The following MAP7 variants were observed in gnomAD, a reference collection of about 807,000 sequenced individuals.
MAP7 encodes the protein ensconsin.
Under a neutral mutation model 94.8 loss-of-function variants are expected in MAP7, and 52 were observed. The ratio of observed to expected loss-of-function variants is 0.55; its 90% confidence interval spans 0.44 to 0.69. The LOEUF is 0.69. Ranked by LOEUF, MAP7 falls within the 30% of genes least tolerant of loss-of-function variation. The probability of loss-of-function intolerance (pLI) is 0.00; values close to 1 mark genes in which losing one functional copy is unlikely to be tolerated. For missense variants in MAP7, 940 were observed against 964.6 expected, an observed-to-expected ratio of 0.97 and a Z score of 0.34; for synonymous variants, 350 against 357.0, an observed-to-expected ratio of 0.98 and a Z score of 0.22.
At chr6:136,458,339 T>C (rs996110883) in intron 1 of MAP7, among the ~76,000 whole-genome samples, 4 of 152,144 alleles carry the variant, frequency 2.6e-5, no homozygotes, top group African/African-American at 7.2e-5. Context: ...ATTGTCAACA[T>C]GTCCACACTA....
chr6:136,545,585 A>G (rs941904811), intron 1 of MAP7: 1 of 152,210 alleles, frequency 6.6e-6, no homozygotes, highest in African/African-American at 2.4e-5. Context: ...ACTTCGATGA[A>G]CAATCATTCC....
intron 1 of MAP7, among the ~76,000 whole-genome samples, chr6:136,440,792 A>G (rs1797612432): frequency 6.6e-6 from 1 of 151,450 alleles, no homozygotes; most frequent in African/African-American, 2.4e-5. Flanking sequence ...TTAGGATGAA[A>G]TTATTTTATC....
At chr6:136,378,542 G>A (rs1489179912) in intron 6 of MAP7, among the ~76,000 whole-genome samples, 1 of 152,130 alleles carries the variant, frequency 6.6e-6, no homozygotes, top group African/African-American at 2.4e-5. Flanking sequence ...TTTGGCCAAG[G>A]ACAAGGCTAA....
intron 1 of MAP7, among the ~76,000 whole-genome samples, chr6:136,441,907 G>A (rs1166583958): frequency 6.6e-6 from 1 of 152,060 alleles, no homozygotes; most frequent in East Asian, 1.9e-4. Flanking sequence ...AGTTACTTGG[G>A]AGGCTGAGGT....
At chr6:136,442,728 C>T (rs938325419) in intron 1 of MAP7, among the ~76,000 whole-genome samples, 4 of 152,270 alleles carry the variant, frequency 2.6e-5, no homozygotes, top group South Asian at 2.1e-4. Flanking sequence ...TGGCAAAACA[C>T]GAAAGTTCTG....
At chr6:136,422,516 G>A (rs1791704009) in intron 1 of MAP7, among the ~76,000 whole-genome samples, 1 of 152,068 alleles carries the variant, frequency 6.6e-6, no homozygotes, top group Admixed American at 6.5e-5. Context: ...GAACATCAGA[G>A]GCCTATCTGC....
intron 1 of MAP7, among the ~76,000 whole-genome samples, chr6:136,543,925 C>T (rs189342102): frequency 6.6e-6 from 1 of 152,028 alleles, no homozygotes; most frequent in African/African-American, 2.4e-5. Context: ...TTTTTGCACA[C>T]AAATTATTTT....
chr6:136,527,468 A>C (rs1213989119), intron 1 of MAP7, among the ~76,000 whole-genome samples: 1 of 152,190 alleles, frequency 6.6e-6, no homozygotes, highest in Admixed American at 6.5e-5. Flanking sequence ...AGAGGGCCCA[A>C]GGGAGTCTAA....
At chr6:136,517,824 T>TGGG (rs1246975567) in intron 1 of MAP7, among the ~76,000 whole-genome samples, 1 of 152,216 alleles carries the variant, frequency 6.6e-6, no homozygotes, top group Admixed American at 6.5e-5. Context: ...TCCCACTATG[T>TGGG]AAACTGATAT....
intron 1 of MAP7, among the ~76,000 whole-genome samples, chr6:136,536,426 T>G (rs1415525698): frequency 6.6e-6 from 1 of 152,178 alleles, no homozygotes; most frequent in African/African-American, 2.4e-5. Flanking sequence ...CCTAAACCCG[T>G]GGATGGCAGC....
At chr6:136,401,452 TA>T (rs1264135011) in intron 3 of MAP7, among the ~76,000 whole-genome samples, 4 of 152,098 alleles carry the variant, frequency 2.6e-5, no homozygotes, top group Non-Finnish European at 4.4e-5. Flanking sequence ...TATGCAGCCA[TA>T]AAAAAGGATG....
intron 1 of MAP7, among the ~76,000 whole-genome samples, chr6:136,549,735 C>A (rs909099775): frequency 6.6e-6 from 1 of 152,240 alleles, no homozygotes; most frequent in Non-Finnish European, 1.5e-5. Context: ...CACTCGCAAA[C>A]CCCCACCGTG....
chr6:136,447,083 T>C (rs1799582867), intron 1 of MAP7, among the ~76,000 whole-genome samples: 1 of 152,210 alleles, frequency 6.6e-6, no homozygotes, highest in African/African-American at 2.4e-5. Context: ...GCAATGAGAC[T>C]ATCCTTTTCA....
At chr6:136,391,559 AAC>A (rs1780749196) in intron 3 of MAP7, among the ~76,000 whole-genome samples, 1 of 131,572 alleles carries the variant, frequency 7.6e-6, no homozygotes, top group African/African-American at 3.5e-5. Flanking sequence ...AATAAAAAAC[AAC>A]AACAACAACA....
At position 136,414,923 on chromosome 6, in the gene MAP7, T is replaced by C. The variant is rs565743718; in HGVS notation, c.167-3226A>G. On this transcript the variant is annotated intron_variant, in intron 2 of 17. Transcript: ENST00000354570. ...TCTGCCTCCTGGGTTTAAGCGATTC[T>C]CCTGCCTCAGCCTCCCAAGTAGCTG... Among the ~76,000 whole-genome samples the C allele has an allele frequency of 3.8e-3, 582 of 151,972 alleles. 4 individuals are homozygous for C. Among genetic ancestry groups the C allele is most frequent in the African/African-American group, 0.013 (559 of 41,436 alleles).
chr6:136,375,592 T>C (rs962353500), intron 7 of MAP7, among the ~76,000 whole-genome samples: 2 of 152,184 alleles, frequency 1.3e-5, no homozygotes, highest in African/African-American at 4.8e-5. Flanking sequence ...AAATGTGGTT[T>C]TGACAAGATA....
intron 1 of MAP7, among the ~76,000 whole-genome samples, chr6:136,497,575 C>T (rs1292950922): frequency 6.6e-6 from 1 of 150,432 alleles, no homozygotes; most frequent in Non-Finnish European, 1.5e-5. Context: ...TGAAGGTGGG[C>T]AGATCACGAG....
intron 1 of MAP7, among the ~76,000 whole-genome samples, chr6:136,492,872 T>G (rs1817038682): frequency 6.6e-6 from 1 of 152,126 alleles, no homozygotes; most frequent in African/African-American, 2.4e-5. Context: ...GTCTGTCTAC[T>G]TGGAAGGAAG....
At chr6:136,359,774 T>A in intron 15 of MAP7, 46 bp downstream of exon 15, 1 of 1,561,676 alleles carries the variant, frequency 6.4e-7, no homozygotes, top group East Asian at 2.2e-5. Context: ...AGAGTCAATT[T>A]AAACATTTTA....
Sources: allele counts gnomAD v4.1 joint callset (sites outside exome capture counted in the v4.1 genomes callset), GRCh38; gene constraint gnomAD v4.1.1; transcripts MANE v1.5; gene names NCBI Gene and HGNC (gene_info 2026-07-23, HGNC 2026-07-21).